TRPM3: variants seen among roughly 807,000 people sequenced by gnomAD.
The protein encoded by TRPM3 is transient receptor potential cation channel subfamily M member 3.
A neutral mutation model predicts 181.2 loss-of-function variants in TRPM3; 77 were observed. The observed-to-expected ratio is 0.42, with a 90% CI of 0.35 to 0.51. The LOEUF is 0.51. Ranked by LOEUF, TRPM3 falls within the 20% of genes least tolerant of loss-of-function variation. The probability of loss-of-function intolerance (pLI) is 0.01; values close to 1 mark genes in which losing one functional copy is unlikely to be tolerated. For missense variants in TRPM3, 1,759 were observed against 2,196.7 expected (o/e 0.80, Z 3.98); for synonymous variants, 745 against 796.4 (o/e 0.94, Z 1.09).
intron 1 of TRPM3, among the ~76,000 whole-genome samples, chr9:71,357,003 T>C (rs950827554): frequency 1.3e-5 from 2 of 152,186 alleles, no homozygotes; most frequent in African/African-American, 4.8e-5. Context: ...ACATGGCTCC[T>C]GTCAAGTCAC....
At chr9:71,357,469 C>G (rs1037122032) in intron 1 of TRPM3, among the ~76,000 whole-genome samples, 1 of 152,132 alleles carries the variant, frequency 6.6e-6, no homozygotes, top group African/African-American at 2.4e-5. Context: ...AAATTCGTAG[C>G]AGTTCTCTCC....
chr9:70,960,118 T>TCGC (rs1422935195), intron 1 of TRPM3, among the ~76,000 whole-genome samples: 1 of 150,906 alleles, frequency 6.6e-6, no homozygotes, highest in African/African-American at 2.5e-5. Context: ...CATTCAACTC[T>TCGC]CGTTCTTTTT....
chr9:71,317,136 A>C (rs992006904), intron 1 of TRPM3, among the ~76,000 whole-genome samples: 4 of 152,186 alleles, frequency 2.6e-5, no homozygotes, highest in Non-Finnish European at 5.9e-5. Context: ...GTCTTGCTAC[A>C]TTCACATTGT....
At chr9:70,803,451 G>GTTTTTTT (rs36024262) in intron 6 of TRPM3, among the ~76,000 whole-genome samples, 2 of 125,328 alleles carry the variant, frequency 1.6e-5, no homozygotes, top group Non-Finnish European at 3.3e-5. Context: ...CGTTTTTGTT[G>GTTTTTTT]TTTTTTTTTT....
chr9:70,971,744 C>T (rs1433719918), intron 1 of TRPM3, among the ~76,000 whole-genome samples: 1 of 152,080 alleles, frequency 6.6e-6, no homozygotes, highest in Non-Finnish European at 1.5e-5. Flanking sequence ...AGGTAAGGAA[C>T]CATTTGGGAA....
At chr9:70,644,954 C>A (rs532989216) in intron 9 of TRPM3, among the ~76,000 whole-genome samples, 5 of 152,272 alleles carry the variant, frequency 3.3e-5, no homozygotes, top group African/African-American at 1.2e-4. Context: ...AACTCCCATT[C>A]ACAATTGCTA....
chr9:70,904,166 T>C (rs1404652299), intron 1 of TRPM3, among the ~76,000 whole-genome samples: 1 of 152,156 alleles, frequency 6.6e-6, no homozygotes, highest in Non-Finnish European at 1.5e-5. Context: ...AAGGCTGCAG[T>C]GAGCCCTGAC....
intron 9 of TRPM3, among the ~76,000 whole-genome samples, chr9:70,648,844 C>G (rs1422866299): frequency 6.6e-6 from 1 of 152,102 alleles, no homozygotes; most frequent in Non-Finnish European, 1.5e-5. Context: ...AAAATCAACT[C>G]AAGATGGATT....
At chr9:70,646,948 T>C (rs1018188488) in intron 9 of TRPM3, among the ~76,000 whole-genome samples, 9 of 147,550 alleles carry the variant, frequency 6.1e-5, no homozygotes, top group Non-Finnish European at 1.2e-4. Context: ...CTAGAAGAAA[T>C]TGATAAATTC....
chr9:70,842,494 TA>T (rs2094741206), intron 5 of TRPM3, among the ~76,000 whole-genome samples: 5 of 152,224 alleles, frequency 3.3e-5, no homozygotes, highest in African/African-American at 7.2e-5. Flanking sequence ...TCGCCACTTT[TA>T]AAAAAAATTT....
intron 12 of TRPM3, 151 bp downstream of exon 12, chr9:70,635,060 T>TACACACACAC (rs5898155): frequency 1.4e-4 from 79 of 547,032 alleles, no homozygotes; most frequent in Non-Finnish European, 2.2e-4. Context: ...AAAAGACACA[T>TACACACACAC]ACACACACAC....
rs1035720840 is a variant in TRPM3 at position 70,811,117 on chromosome 9, T to C, written c.973+16730A>G. ...ATAAAGGAAATGAAGACTTCTGTGG[T>C]TAATTTCTTGGAGTTTAAGAAGAAA... On this transcript the variant is annotated intron_variant, in intron 6 of 25. Coordinates refer to ENST00000677713, the MANE Select transcript of TRPM3 (RefSeq NM_001366145.2). The C allele has an allele frequency of 3.5e-6, 5 of 1,415,896 alleles. No homozygotes were observed. In the African/African-American group the frequency reaches 5.7e-5, roughly 16 times the overall value. The allele number at this position is 1,415,896 out of a possible 1,614,324, so 87.7% of individuals were successfully genotyped here.
chr9:71,212,454 A>G (rs1408990284), intron 1 of TRPM3, among the ~76,000 whole-genome samples: 1 of 50,302 alleles, frequency 2.0e-5, no homozygotes, highest in Non-Finnish European at 4.9e-5. Flanking sequence ...GTATTATATG[A>G]AAAAAAAGTT....
chr9:70,905,969 G>A (rs1431014486), intron 1 of TRPM3, among the ~76,000 whole-genome samples: 2 of 152,066 alleles, frequency 1.3e-5, no homozygotes, highest in African/African-American at 4.8e-5. Flanking sequence ...CAATCCTCCT[G>A]CCTCAGCCTC....
chr9:71,207,588 C>T (rs940336940), intron 1 of TRPM3, among the ~76,000 whole-genome samples: 1 of 152,078 alleles, frequency 6.6e-6, no homozygotes, highest in African/African-American at 2.4e-5. Flanking sequence ...TATTGCATAT[C>T]ATTTGGTTAA....
intron 1 of TRPM3, among the ~76,000 whole-genome samples, chr9:71,309,398 C>G (rs1207154982): frequency 6.6e-6 from 1 of 152,078 alleles, no homozygotes; most frequent in Non-Finnish European, 1.5e-5. Context: ...AATTCAATAG[C>G]TTGATATTTA....
At chr9:71,111,226 T>C (rs866246605) in intron 1 of TRPM3, among the ~76,000 whole-genome samples, 2 of 152,222 alleles carry the variant, frequency 1.3e-5, no homozygotes, top group Admixed American at 6.5e-5. Context: ...TTCCCAAATG[T>C]AAGCTAAATT....
chr9:70,827,789 T>TTATTCAC, intron 6 of TRPM3, 58 bp downstream of exon 6: 1 of 1,571,944 alleles, frequency 6.4e-7, no homozygotes, highest in African/African-American at 1.3e-5. Context: ...GTACTTAAAG[T>TTATTCAC]TATTCACTTT....
intron 1 of TRPM3, among the ~76,000 whole-genome samples, chr9:71,371,455 A>C (rs551510774): frequency 6.6e-6 from 1 of 152,356 alleles, no homozygotes; most frequent in South Asian, 2.1e-4. Flanking sequence ...GGTTTAAAGC[A>C]TCAGTGGAGG....
Sources: gnomAD v4.1 joint callset for allele counts (sites outside exome capture counted in the v4.1 genomes callset) on GRCh38, gnomAD v4.1.1 for gene constraint, MANE v1.5 for transcripts, NCBI Gene and HGNC (gene_info 2026-07-23, HGNC 2026-07-21) for gene names.